Variants in CLIP2 observed in about 807,000 individuals in gnomAD.
CLIP2 encodes CAP-Gly domain containing linker protein 2.
A neutral mutation model predicts 111.7 loss-of-function variants in CLIP2; 41 were observed. The ratio of observed to expected loss-of-function variants is 0.37; its 90% CI spans 0.29 to 0.48. The LOEUF (loss-of-function observed/expected upper bound fraction) is 0.48, where lower values mean the gene tolerates loss of function less well. Ranked by LOEUF, CLIP2 falls within the 20% of genes least tolerant of loss-of-function variation. The pLI, the probability that CLIP2 is intolerant of heterozygous loss-of-function variation, is 0.99. For missense variants in CLIP2, 1,160 were observed against 1,422.1 expected, an observed-to-expected ratio of 0.82 and a Z score of 2.96; for synonymous variants, 660 against 644.2, an observed-to-expected ratio of 1.02 and a Z score of -0.37.
At chr7:74,351,483 A>T (rs1156982901) in intron 3 of CLIP2, among the ~76,000 whole-genome samples, 2 of 151,930 alleles carry the variant, frequency 1.3e-5, no homozygotes, top group Non-Finnish European at 2.9e-5. Context: ...AAGCTCGAAA[A>T]TTTACCTCCT....
At chr7:74,335,441 T>C (rs1452098505) in intron 2 of CLIP2, among the ~76,000 whole-genome samples, 3 of 152,150 alleles carry the variant, frequency 2.0e-5, no homozygotes, top group Non-Finnish European at 4.4e-5. Context: ...GTCATCCTCC[T>C]GTTTCAGCTT....
chr7:74,334,785 GC>G (rs1554731827), intron 2 of CLIP2, among the ~76,000 whole-genome samples: 1 of 144,340 alleles, frequency 6.9e-6, no homozygotes, highest in African/African-American at 2.6e-5. Flanking sequence ...TTTGAGACCA[GC>G]CTTACCACAT....
Position 74,376,144 on chromosome 7 carries a change from C to T in CLIP2, c.1743C>T (p.Leu581=). The change falls in exon 10 of 17, where the codon CTC becomes CTT. Residue 581 remains leucine (L), a synonymous_variant. Coordinates refer to ENST00000223398, the MANE Select transcript of CLIP2 (RefSeq NM_003388.5). This position sits in a 1 kb window ranked among gnomAD's most constrained non-coding sequence, Gnocchi z 7.1. ...LKAYQAEVDK[L]RAANEKYAQE... The stretch of plus-strand genomic sequence containing the variant: ...CCTACCAGGCGGAGGTGGACAAGCT[C>T]CGCGCGGCCAACGAGAAGTACGCAC... 1 of 1,609,630 alleles carries T rather than the reference C, an allele frequency of 6.2e-7. No homozygotes were observed. Among genetic ancestry groups the T allele is most frequent in the South Asian group, 1.1e-5 (1 of 90,610 alleles).
intron 1 of CLIP2, among the ~76,000 whole-genome samples, chr7:74,308,496 G>A (rs1339568520): frequency 6.6e-6 from 1 of 151,976 alleles, no homozygotes; most frequent in Non-Finnish European, 1.5e-5. Flanking sequence ...AATCTAGTTT[G>A]TTTATTTATT....
chr7:74,382,645 T>A (rs1790978786), intron 11 of CLIP2, among the ~76,000 whole-genome samples: 1 of 151,848 alleles, frequency 6.6e-6, no homozygotes, highest in Non-Finnish European at 1.5e-5. Context: ...CTTTTGACCA[T>A]TTTTTTCTGA....
chr7:74,307,825 G>T (rs1188828800), intron 1 of CLIP2, among the ~76,000 whole-genome samples: 1 of 151,966 alleles, frequency 6.6e-6, no homozygotes, highest in South Asian at 2.1e-4. Flanking sequence ...CTGCTGGGGG[G>T]TGGTTCAGGA....
chr7:74,343,709 A>G (rs1554305774), intron 3 of CLIP2, among the ~76,000 whole-genome samples: 1 of 150,330 alleles, frequency 6.7e-6, no homozygotes, highest in African/African-American at 2.4e-5. Flanking sequence ...CCTGGGCAAC[A>G]TAGCAAGACC....
In CLIP2 at chr7:74,397,185, G is replaced by A; in HGVS notation, c.2832G>A (p.Gln944=). 2 of 1,613,886 alleles carry A rather than the reference G, an allele frequency of 1.2e-6. No homozygotes were observed. The highest frequency in any genetic ancestry group is 8.5e-7 in the Non-Finnish European group (1 of 1,179,968). Residue 944 remains glutamine, a synonymous_variant, in exon 14 of 17, where the codon CAG becomes CAA. Transcript: ENST00000223398. Reference sequence around the variant, plus strand: ...AGGCTGAGTGGCGGATCAAGGAGCAGAAACTCAAGGATGACATCCGGGGCC... The same window carrying A: ...AGGCTGAGTGGCGGATCAAGGAGCAAAAACTCAAGGATGACATCCGGGGCC... ...VHKAEWRIKE[Q]KLKDDIRGLR...
At chr7:74,299,629 C>T (rs942795950) in intron 1 of CLIP2, among the ~76,000 whole-genome samples, 5 of 152,212 alleles carry the variant, frequency 3.3e-5, no homozygotes, top group Admixed American at 6.5e-5. Flanking sequence ...AGCCTCTTCC[C>T]CAGCCCTTGC....
intron 14 of CLIP2, among the ~76,000 whole-genome samples, chr7:74,399,336 G>A (rs1020947610): frequency 1.3e-5 from 2 of 152,016 alleles, no homozygotes; most frequent in South Asian, 2.1e-4. Context: ...TCAGGAGTTC[G>A]AGACCAGCCT....
intron 6 of CLIP2, among the ~76,000 whole-genome samples, chr7:74,358,154 C>G (rs1554308933): frequency 6.6e-6 from 1 of 151,730 alleles, no homozygotes; most frequent in South Asian, 2.1e-4. Flanking sequence ...CAGGTTCAAG[C>G]GATTCTCCTG....
intron 2 of CLIP2, among the ~76,000 whole-genome samples, chr7:74,321,028 G>A (rs1477742941): frequency 6.6e-6 from 1 of 152,062 alleles, no homozygotes; most frequent in African/African-American, 2.4e-5. Flanking sequence ...CCAAATTCTG[G>A]CTGTGATCCA....
chr7:74,294,257 A>G (rs931393437), intron 1 of CLIP2, among the ~76,000 whole-genome samples: 16 of 152,172 alleles, frequency 1.1e-4, no homozygotes, highest in Non-Finnish European at 2.2e-4. Context: ...GGCTCTTCTC[A>G]CTGGGCTGCA....
Position 74,364,273 on chromosome 7 carries a change from G to C in CLIP2, c.1338G>C (p.Gln446His). The change falls in exon 8 of 17, where the codon CAG (glutamine) becomes CAC (histidine). Residue 446 changes from glutamine (Q) to histidine (H), a missense_variant. Gln to His is a conservative substitution (Grantham distance 24). This residue lies in a region of CLIP2 where 70 missense variants were observed against 114.9 expected (regional missense o/e 0.61). Coordinates refer to ENST00000223398, the MANE Select transcript of CLIP2 (RefSeq NM_003388.5). ...EEERRKVEDLQFRVEEESITK... is the reference protein window; with the variant it reads ...EEERRKVEDLHFRVEEESITK... ...CCTGCAGGAAGGTGGAGGATCTGCA[G>C]TTCCGCGTGGAGGAGGAGTCCATCA... is the stretch of plus-strand genomic sequence containing the variant. 1 of 1,613,760 alleles carries C rather than the reference G, an allele frequency of 6.2e-7. No individual in the cohort carries two copies. The highest frequency in any genetic ancestry group is 8.5e-7 in the Non-Finnish European group (1 of 1,179,870).
chr7:74,351,618 C>T (rs967522631), intron 3 of CLIP2, among the ~76,000 whole-genome samples: 2 of 151,676 alleles, frequency 1.3e-5, no homozygotes, highest in Non-Finnish European at 2.9e-5. Context: ...GGCAGATCAC[C>T]TGAGGTCAGA....
chr7:74,291,127 A>G (rs1788003831), intron 1 of CLIP2, among the ~76,000 whole-genome samples: 1 of 152,198 alleles, frequency 6.6e-6, no homozygotes, highest in African/African-American at 2.4e-5. Context: ...CACAGGATGC[A>G]TTCTTGTCTG....
At chr7:74,317,735 G>GC (rs1554729342) in intron 2 of CLIP2, 68 bp downstream of exon 2, 2 of 1,354,790 alleles carry the variant, frequency 1.5e-6, no homozygotes, top group African/African-American at 3.0e-5. Flanking sequence ...TTCTGGAAGA[G>GC]CCCCAGGAGC....
chr7:74,386,050 T>TC (rs1554314717), intron 11 of CLIP2, among the ~76,000 whole-genome samples: 1 of 145,040 alleles, frequency 6.9e-6, no homozygotes, highest in African/African-American at 2.6e-5. Context: ...CCTCTTTTTT[T>TC]TTTTTTTTTC....
chr7:74,402,329 CAAAAAAAAAAAAAACCAAAAAAA>C (rs1280600698), intron 16 of CLIP2, among the ~76,000 whole-genome samples: 2 of 43,184 alleles, frequency 4.6e-5, no homozygotes, highest in Non-Finnish European at 9.7e-5. Context: ...GACTCCATCT[CAAAAAAAAAAAAAACCAAAAAAA>C]AAAAAAAATA....
Sources: allele counts gnomAD v4.1 joint callset (sites outside exome capture counted in the v4.1 genomes callset), GRCh38; gene constraint gnomAD v4.1.1; regional missense constraint gnomAD v4.1.1; non-coding constraint Gnocchi (gnomAD v3.1); transcripts MANE v1.5; gene names NCBI Gene and HGNC (gene_info 2026-07-23, HGNC 2026-07-21).